The following POLE variants were observed in gnomAD, a reference collection of about 807,000 sequenced individuals.
The protein encoded by POLE is DNA polymerase epsilon, catalytic subunit, also known as DNA polymerase epsilon catalytic subunit A.
Under a neutral mutation model 279.2 loss-of-function variants are expected in POLE, and 188 were observed. The observed-to-expected ratio is 0.67, with a 90% CI of 0.60 to 0.76. The LOEUF (loss-of-function observed/expected upper bound fraction) is 0.76. Among genes scored for constraint, POLE ranks in the 30% least tolerant of loss-of-function variants. POLE has a pLI of 0.00. For missense variants in POLE, 2,703 were observed against 3,016.7 expected, an observed-to-expected ratio of 0.90 and a Z score of 2.44; for synonymous variants, 1,214 against 1,172.5, an observed-to-expected ratio of 1.04 and a Z score of -0.72.
intron 27 of POLE, among the ~76,000 whole-genome samples, chr12:132,657,652 C>G (rs1015501790): frequency 1.3e-5 from 2 of 152,206 alleles, no homozygotes; most frequent in African/African-American, 4.8e-5. Flanking sequence ...CACCCCTGGC[C>G]TTAGTCCATC....
chr12:132,672,148 T>A, intron 16 of POLE, 67 bp downstream of exon 16: 1 of 1,094,826 alleles, frequency 9.1e-7, no homozygotes, highest in South Asian at 1.2e-5. Context: ...AACGTGCTGC[T>A]GAAAGACGTG....
intron 13 of POLE, 114 bp from the exon 14 acceptor site, chr12:132,673,391 G>C: frequency 4.3e-6 from 5 of 1,156,052 alleles, no homozygotes; most frequent in Non-Finnish European, 6.4e-6. Flanking sequence ...ACAGTAAGGA[G>C]ACCGGCACAG....
intron 1 of POLE, among the ~76,000 whole-genome samples, chr12:132,682,121 C>T (rs1395275542): frequency 6.6e-6 from 1 of 151,970 alleles, no homozygotes; most frequent in Non-Finnish European, 1.5e-5. Context: ...AGTGAAACCC[C>T]GTCTTTACTA....
chr12:132,643,851 C>A lies in POLE; in HGVS notation c.4276G>T (p.Val1426Leu), dbSNP rs775072147. The change falls in exon 33 of 49, where the codon GTA (valine) becomes TTA (leucine). Residue 1426 changes from valine (V) to leucine (L), a missense_variant. Val to Leu is a conservative substitution (Grantham distance 32). Coordinates refer to ENST00000320574, the MANE Select transcript of POLE (RefSeq NM_006231.4). Reference sequence around the variant, plus strand: ...TGGGGAGTCACCTGAGTCTCATATACGCCCTCGATGTCTGGCGCTGACAGC... The same window carrying A: ...TGGGGAGTCACCTGAGTCTCATATAAGCCCTCGATGTCTGGCGCTGACAGC... ...AELSAPDIEG[V>L]YETQVPLLFR... 1 of 1,614,014 alleles carries A rather than the reference C, an allele frequency of 6.2e-7. No individual in the cohort carries two copies. Among genetic ancestry groups the A allele is most frequent in the Non-Finnish European group, 8.5e-7 (1 of 1,179,892 alleles).
intron 46 of POLE, 127 bp from the exon 47 acceptor site, chr12:132,625,897 T>C: frequency 7.6e-7 from 1 of 1,323,878 alleles, no homozygotes; most frequent in Non-Finnish European, 1.0e-6. Context: ...TGAGTGCAGC[T>C]GCACGCACTC....
Position 132,661,218 on chromosome 12 carries a change from A to C in POLE, c.2865-54T>G. The C allele has an allele frequency of 1.4e-6, 2 of 1,473,466 alleles. No homozygotes were observed. The highest frequency in any genetic ancestry group is 1.8e-6 in the Non-Finnish European group (2 of 1,092,604). The allele number at this position is 1,473,466 out of a possible 1,614,324, so 91.3% of individuals were successfully genotyped here. On this transcript the variant is annotated intron_variant, in intron 24 of 48. Coordinates refer to ENST00000320574, the MANE Select transcript of POLE (RefSeq NM_006231.4). The surrounding 1 kb of genome is among the most constrained non-coding windows in gnomAD (Gnocchi z 4.1). ...CAGTGGCAAGGAGCGCTGGGGAGCC[A>C]CCAGCTGTGCCTCATCCTCTCTGCC...
chr12:132,638,951 G>C, intron 40 of POLE, 174 bp downstream of exon 40: 1 of 620,530 alleles, frequency 1.6e-6, no homozygotes, highest in Non-Finnish European at 2.8e-6. Flanking sequence ...TGCAGGCGAC[G>C]CTGCAGCAGC....
At chr12:132,642,037 G>A in intron 38 of POLE, 140 bp downstream of exon 38, 1 of 951,610 alleles carries the variant, frequency 1.1e-6, no homozygotes. Context: ...CTTGACCCCA[G>A]GACCGTCTCC....
rs878854872 is a variant in POLE, at chr12:132,643,290, G to A, written c.4485C>T (p.Ala1495=). 4 of 1,613,976 alleles carry A rather than the reference G, an allele frequency of 2.5e-6. No individual in the cohort carries two copies. Among genetic ancestry groups the A allele is most frequent in the Admixed American group, 1.7e-5 (1 of 60,026 alleles). The stretch of plus-strand genomic sequence containing the variant: ...TGAAGATCCCGAAGAGCGCTTTGTG[G>A]GCCTGTGCGTGGTGGTACAGGTAGA... The part of the protein sequence containing the change: ...RHIYLYHHAQ[A]HKALFGIFIP... The change falls in exon 35 of 49, where the codon GCC becomes GCT. Residue 1495 remains alanine (A), a synonymous_variant. Transcript: ENST00000320574.
At position 132,679,372 on chromosome 12, in the gene POLE, T is replaced by C. The variant is rs967210209; in HGVS notation, c.578+125A>G. 1.1e-5 allele frequency: 10 copies of C among 882,116 alleles called. No individual in the cohort carries two copies. The African/African-American group carries it at 1.7e-4, about 15-fold the overall frequency. 54.6% of individuals were successfully genotyped at this position (882,116 alleles called of 1,614,324 possible). A position where few individuals can be genotyped will look rare whatever the true frequency, so the allele number is the denominator to read the frequency against. On this transcript the variant is annotated intron_variant, in intron 6 of 48. Coordinates refer to ENST00000320574, the MANE Select transcript of POLE (RefSeq NM_006231.4). ...AGAACATACAGAAATCTCTACCTAATTGCTCAAGTTTTCCGTATCAAACAG... is the reference window on the plus strand; with the variant it reads ...AGAACATACAGAAATCTCTACCTAACTGCTCAAGTTTTCCGTATCAAACAG...
Position 132,624,891 on chromosome 12 carries a change from G to A in POLE, c.6747+14C>T, listed in dbSNP as rs2041799614. On this transcript the variant is annotated intron_variant, in intron 48 of 48. Transcript: ENST00000320574. The stretch of plus-strand genomic sequence containing the variant: ...GAGGCCAGGCTGAGCCGAGGCAGAT[G>A]AGGGAGAGCCCACCTGGGTGTGGAT... The A allele has an allele frequency of 6.2e-7, 1 of 1,611,594 alleles. No individual in the cohort carries two copies. Among genetic ancestry groups the A allele is most frequent in the Non-Finnish European group, 8.5e-7 (1 of 1,177,674 alleles).
chr12:132,656,178 C>A (rs1221909221), intron 29 of POLE, among the ~76,000 whole-genome samples: 1 of 151,996 alleles, frequency 6.6e-6, no homozygotes, highest in Non-Finnish European at 1.5e-5. Context: ...AGGAGAACTG[C>A]TTAAACCCAG....
At chr12:132,643,608 T>G (rs2138554876) in intron 33 of POLE, 48 bp from the exon 34 acceptor site, 1 of 1,610,454 alleles carries the variant, frequency 6.2e-7, no homozygotes, top group Non-Finnish European at 8.5e-7. Flanking sequence ...TGGTGGGGGC[T>G]CTGGCTGCCC....
At position 132,638,941 on chromosome 12, in the gene POLE, T is replaced by C. The variant is rs889510818; in HGVS notation, c.5552+184A>G. 18 of 604,682 alleles carry C rather than the reference T, an allele frequency of 3.0e-5. No individual in the cohort carries two copies. The African/African-American group carries it at 3.3e-4, about 11-fold the overall frequency. The allele number at this position is 604,682 out of a possible 1,614,324, so 37.5% of individuals were successfully genotyped here. On this transcript the variant is annotated intron_variant, in intron 40 of 48. Coordinates refer to ENST00000320574, the MANE Select transcript of POLE (RefSeq NM_006231.4). ...GCCACCTAGTGTTCTCTGCAGGATG[T>C]GCAGGCGACGCTGCAGCAGCAGCTG... is the stretch of plus-strand genomic sequence containing the variant.
At chr12:132,666,149 C>T (rs988365982) in intron 20 of POLE, among the ~76,000 whole-genome samples, 22 of 152,112 alleles carry the variant, frequency 1.4e-4, no homozygotes, top group African/African-American at 5.1e-4. Context: ...GGATTGCTCG[C>T]GACAGCCAAA....
intron 10 of POLE, 50 bp downstream of exon 10, chr12:132,676,044 G>C (rs1289895048): frequency 8.1e-7 from 1 of 1,228,836 alleles, no homozygotes; most frequent in African/African-American, 1.5e-5. Context: ...AGATCCACAT[G>C]TCCGTTCTTC....
In POLE at chr12:132,668,027, G is replaced by A. The variant is rs2042835219; in HGVS notation, c.2173+329C>T. Among the ~76,000 whole-genome samples, 1 of 152,006 alleles carries A rather than the reference G, an allele frequency of 6.6e-6. No individual in the cohort carries two copies. The highest frequency in any genetic ancestry group is 1.5e-5 in the Non-Finnish European group (1 of 68,028). On this transcript the variant is annotated intron_variant, in intron 19 of 48. Transcript: ENST00000320574. The surrounding 1 kb of genome is among the most constrained non-coding windows in gnomAD (Gnocchi z 4.0). Reference sequence around the variant, plus strand: ...GTGCCTGGGAGGTTGAGGCTGCAGTGAGCCAAGATCACACCACTGCATTCC... The same window carrying A: ...GTGCCTGGGAGGTTGAGGCTGCAGTAAGCCAAGATCACACCACTGCATTCC...
chr12:132,646,694 T>C (rs919654073), intron 32 of POLE, among the ~76,000 whole-genome samples: 3 of 151,472 alleles, frequency 2.0e-5, no homozygotes, highest in Admixed American at 6.6e-5. Context: ...TAGCCGGGCG[T>C]GGTGGTGCGT....
At chr12:132,653,952 A>T (rs1363956957) in intron 29 of POLE, among the ~76,000 whole-genome samples, 1 of 152,246 alleles carries the variant, frequency 6.6e-6, no homozygotes, top group East Asian at 1.9e-4. Context: ...ATGATGAATT[A>T]GTGGATTTCT....
Sources: gnomAD v4.1 joint callset for allele counts (sites outside exome capture counted in the v4.1 genomes callset) on GRCh38, gnomAD v4.1.1 for gene constraint, Gnocchi (gnomAD v3.1) non-coding constraint, MANE v1.5 for transcripts, NCBI Gene and HGNC (gene_info 2026-07-23, HGNC 2026-07-21) for gene names.